Variants in CREB3L2 observed in about 807,000 individuals in gnomAD.
CREB3L2 encodes cyclic AMP-responsive element-binding protein 3-like protein 2.
CREB3L2 carries 23 observed loss-of-function variants against 57.2 expected under a neutral mutation model. That is an observed-to-expected ratio of 0.40 (90% CI 0.29 to 0.57). The LOEUF (loss-of-function observed/expected upper bound fraction) is 0.57. CREB3L2 is among the 20% of genes least tolerant of loss of function. CREB3L2 has a pLI of 0.42. For missense variants in CREB3L2, 628 were observed against 634.7 expected, an observed-to-expected ratio of 0.99 and a Z score of 0.11; for synonymous variants, 268 against 265.1, an observed-to-expected ratio of 1.01 and a Z score of -0.11.
intron 1 of CREB3L2, among the ~76,000 whole-genome samples, chr7:137,977,240 T>C (rs1271240586): frequency 6.6e-6 from 1 of 152,168 alleles, no homozygotes; most frequent in Non-Finnish European, 1.5e-5. Flanking sequence ...AAAGTGGGAT[T>C]AGCAATAAAC....
rs760990511 is a variant in CREB3L2 at position 137,880,437 on chromosome 7, G to A, written c.*39C>T. On this transcript the variant is annotated 3_prime_UTR_variant, in exon 12 of 12. Transcript: ENST00000330387. The surrounding 1 kb of genome is among the most constrained non-coding windows in gnomAD (Gnocchi z 4.0). The stretch of plus-strand genomic sequence containing the variant: ...ACAAAGGTGGTTTGGGGATGTAAAA[G>A]TAGAGTTAAGGGAAAGGGAGGGGGT... The A allele has an allele frequency of 6.5e-7, 1 of 1,535,812 alleles. No individual in the cohort carries two copies. The highest frequency in any genetic ancestry group is 1.7e-5 in the Admixed American group (1 of 58,810).
chr7:137,934,187 T>C (rs1309049220), intron 1 of CREB3L2, among the ~76,000 whole-genome samples: 2 of 152,240 alleles, frequency 1.3e-5, no homozygotes. Context: ...TTTTAGTCCA[T>C]TGTCCAAGAT....
intron 1 of CREB3L2, among the ~76,000 whole-genome samples, chr7:137,949,178 A>G (rs1801049677): frequency 6.6e-6 from 1 of 152,230 alleles, no homozygotes; most frequent in African/African-American, 2.4e-5. Context: ...GTGCAAACGG[A>G]AATAGCCACT....
chr7:137,993,782 G>A (rs960217532), intron 1 of CREB3L2, among the ~76,000 whole-genome samples: 17 of 152,272 alleles, frequency 1.1e-4, no homozygotes, highest in Middle Eastern at 6.8e-3. Context: ...AAGCACTTAC[G>A]ATTCTCTGGG....
chr7:137,952,586 A>C (rs1801123038), intron 1 of CREB3L2, among the ~76,000 whole-genome samples: 1 of 152,170 alleles, frequency 6.6e-6, no homozygotes, highest in Non-Finnish European at 1.5e-5. Flanking sequence ...CCGCCTTTGC[A>C]CTAGAATATA....
chr7:137,970,808 T>C (rs146783941), intron 1 of CREB3L2, among the ~76,000 whole-genome samples: 4 of 152,290 alleles, frequency 2.6e-5, no homozygotes, highest in Non-Finnish European at 4.4e-5. Context: ...CACACTTTTG[T>C]ATCCTCCACT....
chr7:137,963,551 C>G (rs1216043916), intron 1 of CREB3L2, among the ~76,000 whole-genome samples: 3 of 152,196 alleles, frequency 2.0e-5, no homozygotes, highest in Non-Finnish European at 4.4e-5. Flanking sequence ...TCTCTAGTCA[C>G]TCTCTGGTAT....
chr7:137,951,947 G>A (rs987816440), intron 1 of CREB3L2, among the ~76,000 whole-genome samples: 18 of 152,172 alleles, frequency 1.2e-4, no homozygotes, highest in Admixed American at 6.5e-4. Flanking sequence ...TCAGGATCAC[G>A]CCACTGCACT....
intron 1 of CREB3L2, among the ~76,000 whole-genome samples, chr7:137,969,993 G>T (rs1242564130): frequency 6.6e-6 from 1 of 152,064 alleles, no homozygotes; most frequent in Admixed American, 6.5e-5. Context: ...AGATGCCCAG[G>T]GTATTTTAAT....
intron 1 of CREB3L2, among the ~76,000 whole-genome samples, chr7:137,972,706 A>AACAAAACAAAACAAACAAAC (rs760748486): frequency 4.4e-4 from 23 of 51,802 alleles, no homozygotes; most frequent in South Asian, 3.2e-3. Flanking sequence ...AAAAAAAAAA[A>AACAAAACAAAACAAACAAAC]AAAAAAATAT....
At chr7:137,967,982 T>C (rs997163965) in intron 1 of CREB3L2, among the ~76,000 whole-genome samples, 2 of 152,256 alleles carry the variant, frequency 1.3e-5, no homozygotes, top group South Asian at 4.1e-4. Flanking sequence ...AGGTAGGTTA[T>C]ACTCTTCCCA....
At chr7:137,948,545 T>C (rs1801041816) in intron 1 of CREB3L2, among the ~76,000 whole-genome samples, 1 of 152,196 alleles carries the variant, frequency 6.6e-6, no homozygotes, top group African/African-American at 2.4e-5. Flanking sequence ...GTTTACTTAC[T>C]TGCAGAAAGC....
At position 137,980,526 on chromosome 7, in the gene CREB3L2, C is replaced by T. The variant is rs1286929829; in HGVS notation, c.102+21078G>A. ...GGTGGGGGGCAACCCCAGGCCTAGA[C>T]AAACACAACCAGAGAAAGGGGAAGA... On this transcript the variant is annotated intron_variant, in intron 1 of 11. Coordinates refer to ENST00000330387, the MANE Select transcript of CREB3L2 (RefSeq NM_194071.4). This position sits in a 1 kb window ranked among gnomAD's most constrained non-coding sequence, Gnocchi z 4.3. 6.6e-6 allele frequency among the ~76,000 whole-genome samples: 1 copy of T among 152,242 alleles called. No individual in the cohort carries two copies. Among genetic ancestry groups the T allele is most frequent in the Non-Finnish European group, 1.5e-5 (1 of 68,050 alleles).
chr7:137,895,511 T>C (rs1003232338), intron 8 of CREB3L2, among the ~76,000 whole-genome samples: 1 of 152,030 alleles, frequency 6.6e-6, no homozygotes, highest in Admixed American at 6.6e-5. Context: ...AGAGAAAAAC[T>C]GAAGAAAGAT....
intron 1 of CREB3L2, chr7:137,956,492 C>A: frequency 1.8e-6 from 1 of 544,906 alleles, no homozygotes; most frequent in Non-Finnish European, 3.0e-6. Flanking sequence ...TCTTCTAAAT[C>A]AAATCTGAGC....
chr7:137,956,353 G>A (rs1335597366), intron 1 of CREB3L2, among the ~76,000 whole-genome samples: 2 of 152,200 alleles, frequency 1.3e-5, no homozygotes, highest in Non-Finnish European at 2.9e-5. Context: ...TCAGGTCAGT[G>A]TCTGGTTTAA....
intron 1 of CREB3L2, among the ~76,000 whole-genome samples, chr7:137,946,431 A>G (rs1800977036): frequency 6.6e-6 from 1 of 151,534 alleles, no homozygotes; most frequent in South Asian, 2.1e-4. Flanking sequence ...ATGCAGAAAA[A>G]AAAAAAAAAA....
At chr7:137,968,281 T>G (rs1409160118) in intron 1 of CREB3L2, among the ~76,000 whole-genome samples, 1 of 151,980 alleles carries the variant, frequency 6.6e-6, no homozygotes, top group African/African-American at 2.4e-5. Flanking sequence ...TACATAGGTA[T>G]ACATGTGCCA....
At chr7:137,965,078 A>T (rs1203273583) in intron 1 of CREB3L2, among the ~76,000 whole-genome samples, 1 of 152,200 alleles carries the variant, frequency 6.6e-6, no homozygotes, top group African/African-American at 2.4e-5. Context: ...GTAGTGACCA[A>T]ACTCTAGTTC....
Sources: allele counts gnomAD v4.1 joint callset (sites outside exome capture counted in the v4.1 genomes callset), GRCh38; gene constraint gnomAD v4.1.1; non-coding constraint Gnocchi (gnomAD v3.1); transcripts MANE v1.5; gene names NCBI Gene and HGNC (gene_info 2026-07-23, HGNC 2026-07-21).